FRMPD4: variants seen among roughly 807,000 people sequenced by gnomAD.
The protein encoded by FRMPD4 is FERM and PDZ domain containing 4.
FRMPD4 carries 22 observed loss-of-function variants against 94.1 expected under a neutral mutation model. The observed-to-expected ratio is 0.23, with a 90% CI of 0.17 to 0.33. The LOEUF (loss-of-function observed/expected upper bound fraction) is 0.33. FRMPD4 is among the 10% of genes least tolerant of loss of function. FRMPD4 has a pLI of 1.00. For missense variants in FRMPD4, 1,111 were observed against 1,339.9 expected (o/e 0.83, Z 2.67); for synonymous variants, 631 against 548.6 (o/e 1.15, Z -2.10).
chrX:12,350,569 T>C (rs942663490), intron 1 of FRMPD4, among the ~76,000 whole-genome samples: 16 of 112,277 alleles, frequency 1.4e-4, no homozygotes, highest in Non-Finnish European at 3.0e-4. Flanking sequence ...TAGTCTCATA[T>C]TTAATTAAAT....
At chrX:12,013,088 G>T (rs915914837) in intron 3 of FRMPD4, among the ~76,000 whole-genome samples, 41 of 111,969 alleles carry the variant, frequency 3.7e-4, no homozygotes, top group African/African-American at 1.2e-3. Context: ...ATTGTTTATA[G>T]TGGTCTCTGG....
chrX:12,360,960 A>AAG (rs1201025646), intron 1 of FRMPD4, among the ~76,000 whole-genome samples: 2 of 106,164 alleles, frequency 1.9e-5, no homozygotes, highest in African/African-American at 7.3e-5. Flanking sequence ...ATGAAAAGAA[A>AAG]AAAAAAAAAA....
rs772919944 is a variant in FRMPD4, at chrX:12,659,491, G to A, written c.423-15372G>A. The stretch of plus-strand genomic sequence containing the variant: ...TGCTGAGTAATTCTTTGTTGTGGGG[G>A]CTGTCATGTGTGTTGTAGGATGTTT... On this transcript the variant is annotated intron_variant, in intron 4 of 16. Transcript: ENST00000675598. Among the ~76,000 whole-genome samples the A allele has an allele frequency of 5.3e-5, 6 of 112,499 alleles. No homozygotes were observed. The South Asian group carries it at 2.2e-3, about 41-fold the overall frequency.
At chrX:12,690,966 A>G (rs1338174130) in intron 8 of FRMPD4, among the ~76,000 whole-genome samples, 2 of 111,987 alleles carry the variant, frequency 1.8e-5, no homozygotes, top group African/African-American at 6.5e-5. Flanking sequence ...TCTCTTCCAT[A>G]GGAGAGATCA....
At chrX:12,417,784 C>T (rs1184861279) in intron 1 of FRMPD4, among the ~76,000 whole-genome samples, 7 of 107,428 alleles carry the variant, frequency 6.5e-5, no homozygotes, top group African/African-American at 2.0e-4. Context: ...CCGAGGCGGG[C>T]GGATCACGAG....
At chrX:11,977,143 T>C (rs373702897) in intron 3 of FRMPD4, among the ~76,000 whole-genome samples, 3 of 106,468 alleles carry the variant, frequency 2.8e-5, no homozygotes, top group Non-Finnish European at 5.8e-5. Context: ...TACATGTTGC[T>C]GCTGCTTATT....
intron 1 of FRMPD4, among the ~76,000 whole-genome samples, chrX:12,439,365 A>G (rs184535114): frequency 2.9e-4 from 32 of 111,634 alleles, no homozygotes; most frequent in Non-Finnish European, 3.2e-4. Flanking sequence ...ATGGCAGACT[A>G]ACACGTTAGC....
intron 3 of FRMPD4, among the ~76,000 whole-genome samples, chrX:12,076,331 T>C (rs1298400066): frequency 9.4e-6 from 1 of 106,776 alleles, no homozygotes; most frequent in African/African-American, 3.4e-5. Flanking sequence ...GCAAAACGTG[T>C]GTGTGTGTGT....
chrX:12,036,798 C>T (rs1243086969), intron 3 of FRMPD4, among the ~76,000 whole-genome samples: 1 of 110,902 alleles, frequency 9.0e-6, no homozygotes, highest in Non-Finnish European at 1.9e-5. Flanking sequence ...ATGCATGATC[C>T]CTTTTAAGAA....
chrX:11,953,754 C>T (rs957883689), intron 3 of FRMPD4, among the ~76,000 whole-genome samples: 4 of 111,644 alleles, frequency 3.6e-5, no homozygotes, highest in South Asian at 7.5e-4. Context: ...TCTTAAGGGG[C>T]CATTCAAGGG....
chrX:12,506,617 G>GAA (rs1239314216), intron 2 of FRMPD4, among the ~76,000 whole-genome samples: 1 of 112,566 alleles, frequency 8.9e-6, no homozygotes, highest in Admixed American at 9.4e-5. Flanking sequence ...TAAGACACAT[G>GAA]AAAATTTTAA....
intron 1 of FRMPD4, among the ~76,000 whole-genome samples, chrX:12,439,262 G>A: frequency 2.7e-5 from 3 of 111,404 alleles, no homozygotes; most frequent in Non-Finnish European, 5.7e-5. Flanking sequence ...TGGCACAAAT[G>A]CTAATACTCT....
chrX:12,206,941 G>A (rs1443690073), intron 1 of FRMPD4, among the ~76,000 whole-genome samples: 1 of 112,219 alleles, frequency 8.9e-6, no homozygotes, highest in Non-Finnish European at 1.9e-5. Flanking sequence ...ATACAGTAAT[G>A]TTTTATATGC....
intron 1 of FRMPD4, among the ~76,000 whole-genome samples, chrX:12,428,484 G>A (rs2056976596): frequency 9.0e-6 from 1 of 110,918 alleles, no homozygotes; most frequent in Non-Finnish European, 1.9e-5. Flanking sequence ...TTTCAATCTT[G>A]GGTATTTTTT....
intron 3 of FRMPD4, among the ~76,000 whole-genome samples, chrX:12,107,379 C>T (rs768950003): frequency 2.7e-5 from 3 of 111,849 alleles, no homozygotes; most frequent in Admixed American, 1.9e-4. Flanking sequence ...AAAGGGCATC[C>T]ACACCAAAAA....
intron 1 of FRMPD4, among the ~76,000 whole-genome samples, chrX:12,168,841 G>C (rs1226309710): frequency 1.8e-5 from 2 of 110,882 alleles, no homozygotes; most frequent in Admixed American, 1.9e-4. Flanking sequence ...TAGCCAGGAT[G>C]GTCTCCATTT....
chrX:11,881,656 G>T (rs751744833), intron 3 of FRMPD4, among the ~76,000 whole-genome samples: 5 of 111,865 alleles, frequency 4.5e-5, no homozygotes, highest in Non-Finnish European at 9.4e-5. Flanking sequence ...AGGAGGGTGT[G>T]TCAGCACCCT....
intron 1 of FRMPD4, among the ~76,000 whole-genome samples, chrX:12,438,396 A>C: frequency 9.2e-6 from 1 of 108,511 alleles, no homozygotes; most frequent in Non-Finnish European, 1.9e-5. Flanking sequence ...TTTGGGCAAT[A>C]CTAGATTCAT....
At chrX:12,242,635 C>T (rs2053894306) in intron 1 of FRMPD4, among the ~76,000 whole-genome samples, 2 of 112,684 alleles carry the variant, frequency 1.8e-5, no homozygotes, top group African/African-American at 6.5e-5. Context: ...TCCTCCTCTA[C>T]TGCAACAAAC....
Sources: gnomAD v4.1 joint callset for allele counts (sites outside exome capture counted in the v4.1 genomes callset) on GRCh38, gnomAD v4.1.1 for gene constraint, MANE v1.5 for transcripts, NCBI Gene and HGNC (gene_info 2026-07-23, HGNC 2026-07-21) for gene names.